The following JAK2 variants were observed in gnomAD, a reference collection of about 807,000 sequenced individuals.
JAK2 encodes the protein tyrosine-protein kinase JAK2.
Under a neutral mutation model 139.3 loss-of-function variants are expected in JAK2, and 86 were observed. The ratio of observed to expected loss-of-function variants is 0.62; its 90% CI spans 0.52 to 0.74. The LOEUF is 0.74. Ranked by LOEUF, JAK2 falls within the 30% of genes least tolerant of loss-of-function variation. The pLI is 0.00. For missense variants in JAK2, 1,421 were observed against 1,360.3 expected (o/e 1.04, Z -0.70); for synonymous variants, 490 against 437.7 (o/e 1.12, Z -1.49).
chr9:5,062,191 A>G (rs1429693460), intron 8 of JAK2, among the ~76,000 whole-genome samples: 1 of 152,030 alleles, frequency 6.6e-6, no homozygotes, highest in Non-Finnish European at 1.5e-5. Flanking sequence ...AAACCTGCAT[A>G]TGTGTAGGGC....
rs1159591565 is a variant in JAK2 at position 5,129,062 on chromosome 9, C to G, written c.*2271C>G. On this transcript the variant is annotated 3_prime_UTR_variant, in exon 25 of 25. Transcript: ENST00000381652. ...TGCTATGGAAGAGTGTTCTTTTAACCTAAGGCTTCTAGTTTACAGTCAAGT... is the reference window on the plus strand; with the variant it reads ...TGCTATGGAAGAGTGTTCTTTTAACGTAAGGCTTCTAGTTTACAGTCAAGT... Among the ~76,000 whole-genome samples the G allele has an allele frequency of 2.0e-5, 3 of 151,896 alleles. No individual in the cohort carries two copies. The highest frequency in any genetic ancestry group is 7.2e-5 in the African/African-American group (3 of 41,386).
intron 3 of JAK2, among the ~76,000 whole-genome samples, chr9:5,023,432 T>G (rs1342295119): frequency 6.6e-6 from 1 of 152,146 alleles, no homozygotes; most frequent in African/African-American, 2.4e-5. Context: ...TGCTTAGGAC[T>G]CGGGGGGAGC....
At chr9:5,041,335 G>C in intron 4 of JAK2, 1 of 687,374 alleles carries the variant, frequency 1.5e-6, no homozygotes, top group Non-Finnish European at 2.6e-6. Flanking sequence ...ACAAGAGCTT[G>C]ACAGGTACGG....
chr9:5,082,999 A>C (rs1225171598), intron 19 of JAK2, among the ~76,000 whole-genome samples: 1 of 152,218 alleles, frequency 6.6e-6, no homozygotes, highest in Non-Finnish European at 1.5e-5. Context: ...TTTTCCCTAT[A>C]ACTGAAGAAC....
chr9:5,005,360 A>G (rs1321108787), intron 2 of JAK2, among the ~76,000 whole-genome samples: 1 of 150,770 alleles, frequency 6.6e-6, no homozygotes. Flanking sequence ...TTGGATATTA[A>G]CTCCTTATCA....
At chr9:5,122,942 G>A in intron 22 of JAK2, 62 bp from the exon 23 acceptor site, 1 of 990,518 alleles carries the variant, frequency 1.0e-6, no homozygotes, top group Non-Finnish European at 1.5e-6. Context: ...ATGATTTGCA[G>A]GTAAAATCAA....
intron 2 of JAK2, among the ~76,000 whole-genome samples, chr9:5,015,533 CTTTTCTT>C (rs764606723): frequency 6.1e-5 from 8 of 131,490 alleles, no homozygotes; most frequent in Admixed American, 7.5e-5. Flanking sequence ...TTTTCTTTTT[CTTTTCTT>C]TTTTTTTTTT....
At chr9:4,989,369 T>C (rs756832520) in intron 2 of JAK2, among the ~76,000 whole-genome samples, 10 of 152,176 alleles carry the variant, frequency 6.6e-5, no homozygotes, top group Non-Finnish European at 1.3e-4. Context: ...CATGCTTTAG[T>C]TGTTTGATAG....
At chr9:5,038,046 C>G (rs1224832468) in intron 4 of JAK2, among the ~76,000 whole-genome samples, 1 of 152,136 alleles carries the variant, frequency 6.6e-6, no homozygotes, top group Non-Finnish European at 1.5e-5. Flanking sequence ...ATAGTTACAA[C>G]TATTCATTAT....
intron 2 of JAK2, among the ~76,000 whole-genome samples, chr9:5,015,091 A>G (rs1449428509): frequency 6.6e-6 from 1 of 152,202 alleles, no homozygotes; most frequent in Admixed American, 6.5e-5. Flanking sequence ...AGATTTATCC[A>G]TGTTGCATAA....
At chr9:5,068,332 G>A (rs1818709744) in intron 10 of JAK2, among the ~76,000 whole-genome samples, 1 of 152,094 alleles carries the variant, frequency 6.6e-6, no homozygotes, top group Non-Finnish European at 1.5e-5. Flanking sequence ...TAGTGCATAA[G>A]ACAAATATTT....
intron 22 of JAK2, chr9:5,099,118 G>A (rs1276833272): frequency 1.3e-5 from 2 of 152,170 alleles, no homozygotes; most frequent in Admixed American, 6.5e-5. Context: ...AATCTCATCT[G>A]AAGACATCCT....
intron 2 of JAK2, among the ~76,000 whole-genome samples, chr9:5,019,942 G>A (rs1285515088): frequency 1.3e-5 from 2 of 152,178 alleles, no homozygotes; most frequent in African/African-American, 4.8e-5. Flanking sequence ...GGACAACCAT[G>A]CCTGTACATT....
intron 22 of JAK2, chr9:5,112,398 G>T: frequency 2.2e-6 from 1 of 450,456 alleles, no homozygotes; most frequent in Non-Finnish European, 4.1e-6. Context: ...CAAGCGGGAG[G>T]AGGAGGATGA....
rs191916358 is a variant in JAK2 at position 4,994,697 on chromosome 9, C to T, written c.-26+8675C>T. Among the ~76,000 whole-genome samples, 433 of 152,208 alleles carry T rather than the reference C, an allele frequency of 2.8e-3. 2 individuals carry two copies. The highest frequency in any genetic ancestry group is 0.01 in the African/African-American group (418 of 41,510). ...TTCTCATAAAGCTTTATTTACATAA[C>T]AGGCAGCTGGCTAAATTTGGTATGT... On this transcript the variant is annotated intron_variant, in intron 2 of 24. Coordinates refer to ENST00000381652, the MANE Select transcript of JAK2 (RefSeq NM_004972.4).
intron 2 of JAK2, among the ~76,000 whole-genome samples, chr9:5,016,200 A>G (rs1258689045): frequency 6.6e-6 from 1 of 152,210 alleles, no homozygotes; most frequent in Non-Finnish European, 1.5e-5. Context: ...ATGAGATGAC[A>G]TGATTTAGGA....
intron 22 of JAK2, chr9:5,110,735 G>C (rs1219787090): frequency 1.1e-5 from 4 of 363,038 alleles, no homozygotes; most frequent in African/African-American, 2.1e-5. Flanking sequence ...TATAGTACCC[G>C]TGTTATTTTC....
chr9:5,005,847 A>G (rs1265209740), intron 2 of JAK2, among the ~76,000 whole-genome samples: 1 of 152,112 alleles, frequency 6.6e-6, no homozygotes, highest in Non-Finnish European at 1.5e-5. Context: ...TGTTCCATTG[A>G]TCTATATCTC....
chr9:5,070,766 T>C (rs1563975025), intron 12 of JAK2, among the ~76,000 whole-genome samples: 1 of 151,852 alleles, frequency 6.6e-6, no homozygotes, highest in Admixed American at 6.6e-5. Context: ...ACCCATGCTG[T>C]TCAAGGGTCA....
Sources: allele counts gnomAD v4.1 joint callset (sites outside exome capture counted in the v4.1 genomes callset), GRCh38; gene constraint gnomAD v4.1.1; transcripts MANE v1.5; gene names NCBI Gene and HGNC (gene_info 2026-07-23, HGNC 2026-07-21).